The following GUCY2C variants were observed in gnomAD, a reference collection of about 807,000 sequenced individuals.
GUCY2C encodes the protein guanylyl cyclase C.
GUCY2C carries 118 observed loss-of-function variants against 131.1 expected under a neutral mutation model. The observed-to-expected ratio is 0.90, with a 90% CI of 0.78 to 1.05. The LOEUF is 1.05. Ranked by LOEUF, GUCY2C falls within the 50% of genes least tolerant of loss-of-function variation. The pLI, the probability that GUCY2C is intolerant of heterozygous loss-of-function variation, is 0.00. For missense variants in GUCY2C, 1,161 were observed against 1,304.4 expected, an observed-to-expected ratio of 0.89 and a Z score of 1.69; for synonymous variants, 452 against 457.8, an observed-to-expected ratio of 0.99 and a Z score of 0.16.
rs779848121 is a variant in GUCY2C, at chr12:14,613,070, G to A, written c.*47C>T. On this transcript the variant is annotated 3_prime_UTR_variant, in exon 27 of 27. Coordinates refer to ENST00000261170, the MANE Select transcript of GUCY2C (RefSeq NM_004963.4). The surrounding 1 kb of genome is among the most constrained non-coding windows in gnomAD (Gnocchi z 4.9). ...CAGGACACTTGAGGTCGCTGCCTCA[G>A]TGCAGCTGTATTTTAATTTGTGTGA... 5 of 1,475,222 alleles carry A rather than the reference G, an allele frequency of 3.4e-6. No homozygotes were observed. Among genetic ancestry groups the A allele is most frequent in the Non-Finnish European group, 3.8e-6 (4 of 1,055,572 alleles). 91.4% of individuals were successfully genotyped at this position (1,475,222 alleles called of 1,614,324 possible). A position where few individuals can be genotyped will look rare whatever the true frequency, so the allele number is the denominator to read the frequency against.
intron 1 of GUCY2C, among the ~76,000 whole-genome samples, chr12:14,690,195 A>G (rs1948549916): frequency 6.6e-6 from 1 of 152,252 alleles, no homozygotes; most frequent in Admixed American, 6.5e-5. Context: ...AAAGCAATAC[A>G]AGAATTGAAA....
intron 10 of GUCY2C, among the ~76,000 whole-genome samples, chr12:14,668,488 AG>A (rs1948031100): frequency 1.3e-5 from 2 of 151,730 alleles, no homozygotes; most frequent in Non-Finnish European, 2.9e-5. Context: ...AAATGTTTGT[AG>A]AGATGGGATC....
At chr12:14,641,337 A>G in intron 17 of GUCY2C, 118 bp from the exon 18 acceptor site, 1 of 1,033,370 alleles carries the variant, frequency 9.7e-7, no homozygotes, top group Non-Finnish European at 1.4e-6. Context: ...GTGATAGCTT[A>G]TAAGTGGCCT....
chr12:14,677,550 A>AT (rs1226442998), intron 6 of GUCY2C, among the ~76,000 whole-genome samples: 19 of 151,598 alleles, frequency 1.3e-4, no homozygotes, highest in Non-Finnish European at 2.2e-4. Context: ...GTTTATTTTT[A>AT]TTTTTACTTT....
At chr12:14,645,740 G>C (rs1353236098) in intron 15 of GUCY2C, among the ~76,000 whole-genome samples, 1 of 151,006 alleles carries the variant, frequency 6.6e-6, no homozygotes, top group Non-Finnish European at 1.5e-5. Flanking sequence ...TAGCTTAATT[G>C]CTCTTTTTTT....
intron 1 of GUCY2C, among the ~76,000 whole-genome samples, chr12:14,689,030 ATATTGTCTGAC>A: frequency 6.6e-6 from 1 of 152,178 alleles, no homozygotes; most frequent in East Asian, 1.9e-4. Flanking sequence ...CAGAGAAATG[ATATTGTCTGAC>A]TATTATTTTT....
Position 14,658,415 on chromosome 12 carries a change from A to T in GUCY2C, c.1365-1798T>A, listed in dbSNP as rs1947801477. Among the ~76,000 whole-genome samples, 3 of 152,172 alleles carry T rather than the reference A, an allele frequency of 2.0e-5. No individual in the cohort carries two copies. In the South Asian group the frequency reaches 6.2e-4, roughly 32 times the overall value. ...TTATTGGACAGGCACAGTGGCTCACACCTATAATCCCAGTACATTGGGAGG... is the reference window on the plus strand; with the variant it reads ...TTATTGGACAGGCACAGTGGCTCACTCCTATAATCCCAGTACATTGGGAGG... On this transcript the variant is annotated intron_variant, in intron 11 of 26. Coordinates refer to ENST00000261170, the MANE Select transcript of GUCY2C (RefSeq NM_004963.4).
chr12:14,645,229 CT>C lies in GUCY2C; in HGVS notation c.1796del (p.Lys599ArgfsTer17). On this transcript the variant is annotated frameshift_variant and splice_region_variant, in exon 16 of 27. Coordinates refer to ENST00000261170, the MANE Select transcript of GUCY2C (RefSeq NM_004963.4). LOFTEE classifies it high-confidence loss of function. ...FKISVLYDIAKGMSYLHSSKT... is the reference protein window; with the variant it reads ...FKISVLYDIAXGMSYLHSSKT... ...TTTTCTGTGTGTGTGTTTCTCTTAC[CT>C]TAGCAATGTCATACAAGACAGAGAT... 6.7e-7 allele frequency: 1 copy of C among 1,483,444 alleles called. No individual in the cohort carries two copies. The highest frequency in any genetic ancestry group is 9.4e-7 in the Non-Finnish European group (1 of 1,065,136). 91.9% of individuals were successfully genotyped at this position (1,483,444 alleles called of 1,614,324 possible). A position where few individuals can be genotyped will look rare whatever the true frequency, so the allele number is the denominator to read the frequency against.
At chr12:14,663,090 T>C (rs1947902730) in intron 10 of GUCY2C, among the ~76,000 whole-genome samples, 1 of 152,236 alleles carries the variant, frequency 6.6e-6, no homozygotes, top group African/African-American at 2.4e-5. Flanking sequence ...AATCTTCATG[T>C]ATCAATACAA....
intron 21 of GUCY2C, among the ~76,000 whole-genome samples, chr12:14,623,816 C>T (rs929742017): frequency 4.6e-5 from 7 of 152,016 alleles, no homozygotes; most frequent in African/African-American, 7.3e-5. Flanking sequence ...TCCTGCCATG[C>T]GAAGAAGGTG....
chr12:14,648,056 G>C (rs998796890), intron 15 of GUCY2C, among the ~76,000 whole-genome samples: 1 of 151,914 alleles, frequency 6.6e-6, no homozygotes, highest in African/African-American at 2.4e-5. Flanking sequence ...CACCTCCCGG[G>C]TTCAAGCAAT....
At position 14,669,709 on chromosome 12, in the gene GUCY2C, A is replaced by G; in HGVS notation, c.1282+13T>C. 7 of 1,277,248 alleles carry G rather than the reference A, an allele frequency of 5.5e-6. No individual in the cohort carries two copies. Among genetic ancestry groups the G allele is most frequent in the Non-Finnish European group, 7.9e-6 (7 of 887,522 alleles). The allele number at this position is 1,277,248 out of a possible 1,614,324, so 79.1% of individuals were successfully genotyped here. The stretch of plus-strand genomic sequence containing the variant: ...CAGTGTCAGGGAGAGAAAATTCATT[A>G]GGGATATCTTACCCCGGCCTGTAAT... On this transcript the variant is annotated intron_variant, in intron 10 of 26. Coordinates refer to ENST00000261170, the MANE Select transcript of GUCY2C (RefSeq NM_004963.4).
intron 15 of GUCY2C, among the ~76,000 whole-genome samples, chr12:14,647,388 T>G (rs1947543304): frequency 6.6e-6 from 1 of 152,222 alleles, no homozygotes; most frequent in Non-Finnish European, 1.5e-5. Flanking sequence ...TGCCTTTGAT[T>G]GCAAGTTTGT....
In GUCY2C at chr12:14,661,077, G is replaced by A. The variant is rs1045392943; in HGVS notation, c.1283-15C>T. The A allele has an allele frequency of 1.9e-6, 3 of 1,539,872 alleles. No homozygotes were observed. The highest frequency in any genetic ancestry group is 1.1e-5 in the South Asian group (1 of 89,566). On this transcript the variant is annotated splice_polypyrimidine_tract_variant and intron_variant, in intron 10 of 26. Coordinates refer to ENST00000261170, the MANE Select transcript of GUCY2C (RefSeq NM_004963.4). The stretch of plus-strand genomic sequence containing the variant: ...GATCTGAGGGCCTGTGGCGGAAAAT[G>A]CGTTAGGAAGGACCTTAGACAAGAG...
At chr12:14,656,039 T>C (rs989154953) in intron 12 of GUCY2C, among the ~76,000 whole-genome samples, 2 of 152,198 alleles carry the variant, frequency 1.3e-5, no homozygotes, top group Non-Finnish European at 2.9e-5. Flanking sequence ...AGGTCCTGCA[T>C]TGACTGTGGT....
intron 9 of GUCY2C, among the ~76,000 whole-genome samples, chr12:14,672,490 T>C (rs1183622936): frequency 6.6e-6 from 1 of 152,202 alleles, no homozygotes; most frequent in Admixed American, 6.5e-5. Flanking sequence ...TTCATTGAAA[T>C]CTTTAGTTGT....
At chr12:14,614,589 C>G in intron 26 of GUCY2C, 1 of 380,270 alleles carries the variant, frequency 2.6e-6, no homozygotes, top group Non-Finnish European at 4.7e-6. Context: ...ATACTGAGCC[C>G]CCACATCTGA....
At chr12:14,683,557 C>T (rs934066581) in intron 3 of GUCY2C, among the ~76,000 whole-genome samples, 2 of 152,066 alleles carry the variant, frequency 1.3e-5, no homozygotes, top group South Asian at 2.1e-4. Context: ...CAGGGGAAGT[C>T]GGGCTAAGAA....
intron 19 of GUCY2C, among the ~76,000 whole-genome samples, chr12:14,637,401 A>G (rs909950500): frequency 1.9e-4 from 29 of 152,124 alleles, no homozygotes; most frequent in African/African-American, 7.0e-4. Context: ...CTATCAAAAT[A>G]CCACTGTCAT....
Sources: gnomAD v4.1 joint callset for allele counts (sites outside exome capture counted in the v4.1 genomes callset) on GRCh38, gnomAD v4.1.1 for gene constraint, Gnocchi (gnomAD v3.1) non-coding constraint, MANE v1.5 for transcripts, NCBI Gene and HGNC (gene_info 2026-07-23, HGNC 2026-07-21) for gene names.